Variants in KAZN observed in about 807,000 individuals in gnomAD.
KAZN encodes the protein kazrin.
KAZN carries 40 observed loss-of-function variants against 87.4 expected under a neutral mutation model. That is an observed-to-expected ratio of 0.46 (90% CI 0.36 to 0.60). The LOEUF is 0.60. KAZN is among the 20% of genes least tolerant of loss of function. The pLI is 0.00. For missense variants in KAZN, 898 were observed against 1,073.9 expected (o/e 0.84, Z 2.29); for synonymous variants, 466 against 458.3 (o/e 1.02, Z -0.22).
chr1:14,249,947 T>G (rs976779612), intron 2 of KAZN, among the ~76,000 whole-genome samples: 2 of 152,126 alleles, frequency 1.3e-5, no homozygotes, highest in Non-Finnish European at 2.9e-5. Flanking sequence ...CTGATACTAC[T>G]CGGGCTTCCT....
At chr1:14,083,577 G>C (rs1433685442) in intron 1 of KAZN, among the ~76,000 whole-genome samples, 1 of 152,208 alleles carries the variant, frequency 6.6e-6, no homozygotes, top group African/African-American at 2.4e-5. Context: ...TGATGCTAAT[G>C]CATCTTTATT....
intron 1 of KAZN, among the ~76,000 whole-genome samples, chr1:14,608,797 T>C (rs543146055): frequency 6.6e-6 from 1 of 152,356 alleles, no homozygotes; most frequent in African/African-American, 2.4e-5. Flanking sequence ...GGTCTCAGAC[T>C]TCTGGTCAGC....
intron 2 of KAZN, among the ~76,000 whole-genome samples, chr1:14,419,558 C>G (rs1665186894): frequency 6.6e-6 from 1 of 152,224 alleles, no homozygotes; most frequent in South Asian, 2.1e-4. Context: ...CTTGGTCTCA[C>G]TGACTTCAAG....
At chr1:14,817,071 T>C (rs1646589258) in intron 1 of KAZN, among the ~76,000 whole-genome samples, 1 of 152,218 alleles carries the variant, frequency 6.6e-6, no homozygotes, top group Non-Finnish European at 1.5e-5. Flanking sequence ...TGCCTCTCAA[T>C]GGGTACTGCT....
chr1:14,844,135 A>G (rs1467649115), intron 1 of KAZN, among the ~76,000 whole-genome samples: 1 of 152,082 alleles, frequency 6.6e-6, no homozygotes, highest in Non-Finnish European at 1.5e-5. Flanking sequence ...TCTAGTCCAG[A>G]CTGAGCCTGC....
At chr1:14,399,933 A>G (rs12045062) in intron 2 of KAZN, among the ~76,000 whole-genome samples, 4,164 of 152,152 alleles carry the variant, frequency 0.027, 65 homozygotes, top group African/African-American at 0.038. Context: ...ACATGACTTA[A>G]CGGAGTGACT....
intron 2 of KAZN, among the ~76,000 whole-genome samples, chr1:14,324,904 G>A (rs1656300975): frequency 6.6e-6 from 1 of 151,966 alleles, no homozygotes; most frequent in Non-Finnish European, 1.5e-5. Flanking sequence ...ATTTCCATTA[G>A]GCCACAGAAA....
At chr1:14,287,834 C>T (rs907089819) in intron 2 of KAZN, among the ~76,000 whole-genome samples, 4 of 152,090 alleles carry the variant, frequency 2.6e-5, no homozygotes, top group Non-Finnish European at 4.4e-5. Flanking sequence ...AATAGTTCTT[C>T]TTATTTTGAG....
At chr1:15,031,830 C>G (rs915594935) in intron 2 of KAZN, among the ~76,000 whole-genome samples, 9 of 152,078 alleles carry the variant, frequency 5.9e-5, no homozygotes, top group African/African-American at 9.7e-5. Context: ...AGGCTAGTCT[C>G]GAGCTCCTGG....
At chr1:13,985,327 C>G (rs981855270) in intron 1 of KAZN, among the ~76,000 whole-genome samples, 3 of 151,686 alleles carry the variant, frequency 2.0e-5, no homozygotes, top group Admixed American at 6.6e-5. Context: ...CAATGATAGA[C>G]TGGATTAAGA....
chr1:14,359,715 GAA>G (rs1359500073), intron 2 of KAZN, among the ~76,000 whole-genome samples: 8 of 152,190 alleles, frequency 5.3e-5, no homozygotes, highest in African/African-American at 1.9e-4. Flanking sequence ...GGCTGGATAT[GAA>G]ATTCTGGGTT....
chr1:14,433,609 G>A (rs200996579), intron 2 of KAZN, among the ~76,000 whole-genome samples: 2 of 152,298 alleles, frequency 1.3e-5, no homozygotes, highest in East Asian at 3.9e-4. Context: ...TGTAATCCCA[G>A]CACTTTGGGA....
At chr1:14,241,724 A>G (rs2100578613) in intron 2 of KAZN, among the ~76,000 whole-genome samples, 1 of 152,302 alleles carries the variant, frequency 6.6e-6, no homozygotes, top group Middle Eastern at 3.4e-3. Context: ...GAGCAAGACC[A>G]TAGTCAGGAG....
chr1:15,115,552 ATGCTTGACAT>A lies in KAZN; in HGVS notation c.*920_*929del, dbSNP rs1396302978. 1.3e-5 allele frequency: 2 copies of A among 152,152 alleles called. No individual in the cohort carries two copies. The highest frequency in any genetic ancestry group is 2.9e-5 in the Non-Finnish European group (2 of 68,044). The allele number at this position is 152,152 out of a possible 1,614,324, so 9.4% of individuals were successfully genotyped here. ...TGAGTTTGGGGTCTGGGGCAGGGAA[ATGCTTGACAT>A]TGTTAACCCAACAAACCTTTGTTGT... On this transcript the variant is annotated 3_prime_UTR_variant, in exon 15 of 15. Transcript: ENST00000376030. The surrounding 1 kb of genome is among the most constrained non-coding windows in gnomAD (Gnocchi z 4.1).
chr1:14,257,762 G>A (rs1650633127), intron 2 of KAZN, among the ~76,000 whole-genome samples: 1 of 126,962 alleles, frequency 7.9e-6, no homozygotes. Flanking sequence ...ATGGACACAG[G>A]AAGGGGAATA....
At chr1:14,683,322 G>T (rs1572215459) in intron 1 of KAZN, among the ~76,000 whole-genome samples, 1 of 152,190 alleles carries the variant, frequency 6.6e-6, no homozygotes, top group South Asian at 2.1e-4. Flanking sequence ...TCTCAAAGAA[G>T]ATGCGTAGGT....
rs139797485 is a variant in KAZN, at chr1:14,755,285, G to A, written c.226+156062G>A. On this transcript the variant is annotated intron_variant, in intron 1 of 14. Coordinates refer to ENST00000376030, the MANE Select transcript of KAZN (RefSeq NM_201628.3). ...AATGAACAAAAAACAGGCCTTGCAA[G>A]GTACTATTGCCATGCTTGTCCCTAA... Among the ~76,000 whole-genome samples, 1,075 of 152,000 alleles carry A rather than the reference G, an allele frequency of 7.1e-3. 14 individuals carry two copies. Among genetic ancestry groups the A allele is most frequent in the African/African-American group, 0.024 (996 of 41,458 alleles).
intron 2 of KAZN, among the ~76,000 whole-genome samples, chr1:14,522,056 C>G (rs996070758): frequency 6.6e-6 from 1 of 152,192 alleles, no homozygotes; most frequent in Non-Finnish European, 1.5e-5. Flanking sequence ...CACAGGCCCT[C>G]TCCACCAAAT....
chr1:14,547,974 A>G lies in KAZN; in HGVS notation c.250-51009A>G, dbSNP rs183811835. On this transcript the variant is annotated intron_variant, in intron 2 of 16. Transcript: ENST00000636203. ...CAATATTTTGGATTCCCTGGGCCAC[A>G]CTGGAAGAAGAAGAATTGTCTTGGG... is the stretch of plus-strand genomic sequence containing the variant. 4.7e-3 allele frequency among the ~76,000 whole-genome samples: 720 copies of G among 151,798 alleles called. 6 individuals carry two copies. Among genetic ancestry groups the G allele is most frequent in the African/African-American group, 0.016 (677 of 41,412 alleles).
Sources: gnomAD v4.1 joint callset for allele counts (sites outside exome capture counted in the v4.1 genomes callset) on GRCh38, gnomAD v4.1.1 for gene constraint, Gnocchi (gnomAD v3.1) non-coding constraint, MANE v1.5 for transcripts, NCBI Gene and HGNC (gene_info 2026-07-23, HGNC 2026-07-21) for gene names.